The following DLG2 variants were observed in gnomAD, a reference collection of about 807,000 sequenced individuals.
DLG2 encodes discs large MAGUK scaffold protein 2, also known as disks large homolog 2.
A neutral mutation model predicts 132.5 loss-of-function variants in DLG2; 45 were observed. The observed-to-expected ratio is 0.34, with a 90% CI of 0.27 to 0.44. DLG2 has a LOEUF of 0.44. DLG2 is among the 20% of genes least tolerant of loss of function. The pLI is 1.00. For synonymous variants in DLG2, 424 were observed against 419.6 expected, an observed-to-expected ratio of 1.01 and a Z score of -0.13; for missense variants, 1,045 against 1,196.9, an observed-to-expected ratio of 0.87 and a Z score of 1.87.
At chr11:84,577,286 A>G (rs1351809855) in intron 6 of DLG2, among the ~76,000 whole-genome samples, 2 of 152,174 alleles carry the variant, frequency 1.3e-5, no homozygotes, top group African/African-American at 4.8e-5. Context: ...CTGAAAAGAT[A>G]CCCAAAAATG....
intron 6 of DLG2, among the ~76,000 whole-genome samples, chr11:85,007,201 ACTCT>A (rs2058736121): frequency 1.4e-5 from 1 of 71,660 alleles, no homozygotes; most frequent in African/African-American, 1.0e-4. Context: ...TAAGTACATA[ACTCT>A]CAAAGAACCT....
chr11:83,700,275 A>G (rs1305759468), intron 18 of DLG2, among the ~76,000 whole-genome samples: 1 of 152,116 alleles, frequency 6.6e-6, no homozygotes, highest in Non-Finnish European at 1.5e-5. Flanking sequence ...AAGAGTGGGA[A>G]GGAGCCCTTC....
At chr11:85,400,100 C>G (rs1260844880) in intron 3 of DLG2, among the ~76,000 whole-genome samples, 5 of 152,026 alleles carry the variant, frequency 3.3e-5, no homozygotes, top group Non-Finnish European at 7.4e-5. Context: ...AAACAAACAA[C>G]CCCATCAAAA....
intron 3 of DLG2, among the ~76,000 whole-genome samples, chr11:85,510,369 T>C (rs1477743745): frequency 1.3e-5 from 2 of 151,736 alleles, no homozygotes; most frequent in Non-Finnish European, 2.9e-5. Flanking sequence ...AATTGACAAA[T>C]GGGATCTAAT....
chr11:84,661,223 A>G (rs369678048), intron 6 of DLG2, among the ~76,000 whole-genome samples: 1 of 152,140 alleles, frequency 6.6e-6, no homozygotes, highest in African/African-American at 2.4e-5. Context: ...TTTTAACTGC[A>G]TGGTCTAGAG....
At chr11:85,061,453 G>A (rs1029197416) in intron 6 of DLG2, among the ~76,000 whole-genome samples, 3 of 151,774 alleles carry the variant, frequency 2.0e-5, no homozygotes, top group African/African-American at 7.3e-5. Flanking sequence ...GAATTTCTCA[G>A]TCGCTGCAAC....
At chr11:84,545,238 G>A (rs1404546764) in intron 6 of DLG2, 5 of 475,244 alleles carry the variant, frequency 1.1e-5, no homozygotes, top group Non-Finnish European at 2.1e-5. Flanking sequence ...AGGGGCTGGA[G>A]CTTCTGCCTC....
intron 11 of DLG2, among the ~76,000 whole-genome samples, chr11:84,022,741 G>C (rs1461533492): frequency 4.6e-5 from 7 of 152,158 alleles, no homozygotes; most frequent in East Asian, 1.9e-4. Context: ...ACTTTTTTTG[G>C]GGGGAGTAGG....
intron 6 of DLG2, chr11:84,923,146 G>A (rs1176146817): frequency 6.2e-7 from 1 of 1,613,368 alleles, no homozygotes; most frequent in Non-Finnish European, 8.5e-7. Context: ...ATATGGACCG[G>A]TATTCAGCTT....
chr11:84,358,851 C>T (rs968973032), intron 7 of DLG2, among the ~76,000 whole-genome samples: 1 of 151,972 alleles, frequency 6.6e-6, no homozygotes, highest in African/African-American at 2.4e-5. Context: ...CCCATTTCTA[C>T]ATACATAAAG....
chr11:83,909,173 G>A (rs1399893219), intron 15 of DLG2, among the ~76,000 whole-genome samples: 5 of 152,306 alleles, frequency 3.3e-5, no homozygotes, highest in East Asian at 3.9e-4. Flanking sequence ...GACAATTGGC[G>A]TGAAAGCAGT....
chr11:84,745,416 C>G (rs946330679), intron 6 of DLG2, among the ~76,000 whole-genome samples: 3 of 152,120 alleles, frequency 2.0e-5, no homozygotes, highest in Non-Finnish European at 4.4e-5. Context: ...CATGTCTGTT[C>G]CCCTTTCACC....
intron 4 of DLG2, among the ~76,000 whole-genome samples, chr11:85,248,338 C>T (rs1414983699): frequency 1.3e-5 from 2 of 151,970 alleles, no homozygotes; most frequent in African/African-American, 4.8e-5. Flanking sequence ...GCATTGAGAT[C>T]ATTATTATTT....
At chr11:84,853,855 G>C (rs1359984907) in intron 6 of DLG2, among the ~76,000 whole-genome samples, 1 of 151,990 alleles carries the variant, frequency 6.6e-6, no homozygotes, top group Non-Finnish European at 1.5e-5. Context: ...ATCAGACAGG[G>C]AAGTAAAGCA....
At chr11:85,280,525 T>C (rs2078161040) in intron 4 of DLG2, among the ~76,000 whole-genome samples, 1 of 152,086 alleles carries the variant, frequency 6.6e-6, no homozygotes, top group South Asian at 2.1e-4. Flanking sequence ...GTTAGTAATA[T>C]AAACTTACTT....
intron 6 of DLG2, among the ~76,000 whole-genome samples, chr11:84,703,448 G>A (rs76119598): frequency 6.6e-6 from 1 of 151,358 alleles, no homozygotes; most frequent in Non-Finnish European, 1.5e-5. Context: ...AGTGGGTGCT[G>A]AAAAAAAGTG....
intron 6 of DLG2, among the ~76,000 whole-genome samples, chr11:84,916,068 G>A (rs367661314): frequency 4.9e-4 from 74 of 152,208 alleles, no homozygotes; most frequent in East Asian, 9.7e-4. Flanking sequence ...GAAGCAGGCC[G>A]GGCGCGGTGG....
intron 19 of DLG2, among the ~76,000 whole-genome samples, chr11:83,597,839 A>G (rs2057886058): frequency 6.6e-6 from 1 of 152,164 alleles, no homozygotes; most frequent in South Asian, 2.1e-4. Context: ...AAACTGGCTT[A>G]TAGAATAAAA....
intron 6 of DLG2, among the ~76,000 whole-genome samples, chr11:84,796,284 C>A (rs1214864354): frequency 2.6e-5 from 4 of 152,166 alleles, no homozygotes; most frequent in African/African-American, 9.7e-5. Context: ...AAAAATGGAT[C>A]ATTTTAACTT....
Sources: allele counts gnomAD v4.1 joint callset (sites outside exome capture counted in the v4.1 genomes callset), GRCh38; gene constraint gnomAD v4.1.1; transcripts MANE v1.5; gene names NCBI Gene and HGNC (gene_info 2026-07-23, HGNC 2026-07-21).